Variants in GNPDA1 observed in about 807,000 individuals in gnomAD.
GNPDA1 encodes the protein glucosamine-6-phosphate deaminase 1.
Under a neutral mutation model 28.5 loss-of-function variants are expected in GNPDA1, and 24 were observed. That is an observed-to-expected ratio of 0.84 (90% CI 0.61 to 1.19). The LOEUF is 1.19. GNPDA1 is among the 50% of genes most tolerant of loss of function. The pLI is 0.00. For synonymous variants in GNPDA1, 147 were observed against 139.3 expected (o/e 1.06, Z -0.39); for missense variants, 264 against 367.3 (o/e 0.72, Z 2.30).
At chr5:142,004,600 C>T (rs183806044) in intron 5 of GNPDA1, among the ~76,000 whole-genome samples, 2 of 152,358 alleles carry the variant, frequency 1.3e-5, no homozygotes, top group African/African-American at 4.8e-5. Context: ...TCTCTCCATA[C>T]CTGGTCAGGT....
In GNPDA1 at chr5:142,001,648, C is replaced by A. The variant is rs576929129; in HGVS notation, c.*381G>T. ...TCAAGACTCTTCAAAGAGGTGGTAT[C>A]CAATATACATAAGCCCCTAATTCCC... On this transcript the variant is annotated 3_prime_UTR_variant, in exon 7 of 7. Coordinates refer to ENST00000311337, the MANE Select transcript of GNPDA1 (RefSeq NM_005471.5). The A allele has an allele frequency of 2.4e-4, 40 of 163,470 alleles. No individual in the cohort carries two copies. The East Asian group carries it at 6.9e-3, about 28-fold the overall frequency. The allele number at this position is 163,470 out of a possible 1,614,324, so 10.1% of individuals were successfully genotyped here.
In GNPDA1 at chr5:142,010,312, C is replaced by A. The variant is rs1353002935; in HGVS notation, c.124+1600G>T. 2.0e-5 allele frequency among the ~76,000 whole-genome samples: 3 copies of A among 152,180 alleles called. No individual in the cohort carries two copies. The South Asian group carries it at 6.2e-4, about 31-fold the overall frequency. On this transcript the variant is annotated intron_variant, in intron 2 of 6. Coordinates refer to ENST00000311337, the MANE Select transcript of GNPDA1 (RefSeq NM_005471.5). ...TAGCTGGGATTATAGGTGCCCGCCA[C>A]CATGCCCAGCTAATTTTTATATTTT...
chr5:142,006,337 G>A lies in GNPDA1; in HGVS notation c.227-11C>T, dbSNP rs753489781. Reference sequence around the variant, plus strand: ...GGTCTCGAGGAAGGCCTGTGGGGCCGTGAGACACTCGGTTATGCCTAGGCC... The same window carrying A: ...GGTCTCGAGGAAGGCCTGTGGGGCCATGAGACACTCGGTTATGCCTAGGCC... On this transcript the variant is annotated splice_polypyrimidine_tract_variant and intron_variant, in intron 3 of 6. Transcript: ENST00000311337. The A allele has an allele frequency of 6.9e-6, 11 of 1,605,614 alleles. No homozygotes were observed. The highest frequency in any genetic ancestry group is 1.9e-4 in the Middle Eastern group (1 of 5,290).
At chr5:142,009,240 T>C (rs1432796515) in intron 2 of GNPDA1, among the ~76,000 whole-genome samples, 1 of 151,992 alleles carries the variant, frequency 6.6e-6, no homozygotes, top group Non-Finnish European at 1.5e-5. Context: ...GATTACGTCA[T>C]GTCACCCCTC....
chr5:142,011,759 C>T, intron 2 of GNPDA1, 153 bp downstream of exon 2: 1 of 741,182 alleles, frequency 1.3e-6, no homozygotes, highest in Admixed American at 2.3e-5. Context: ...AAGCTGGGTC[C>T]TTTGTATGTG....
chr5:142,002,556 C>G (rs1755701203), intron 6 of GNPDA1, among the ~76,000 whole-genome samples: 2 of 152,108 alleles, frequency 1.3e-5, no homozygotes, highest in Admixed American at 6.5e-5. Context: ...AGTTTGAGAC[C>G]AGCCTAGGCA....
chr5:142,012,107 T>C, intron 1 of GNPDA1, 66 bp from the exon 2 acceptor site: 1 of 1,487,292 alleles, frequency 6.7e-7, no homozygotes, highest in Non-Finnish European at 9.2e-7. Context: ...GAGATGGAGG[T>C]GGTGGGAGAA....
Position 142,006,223 on chromosome 5 carries a change from A to G in GNPDA1, c.330T>C (p.Asn110=). The change falls in exon 4 of 7, where the codon AAT becomes AAC. Residue 110 remains asparagine (N), a synonymous_variant. Transcript: ENST00000311337. The part of the protein sequence containing the change: ...HPENTHILDG[N]AVDLQAECDA... ...CACATTCTGCCTGTAGGTCGACTGC[A>G]TTCCCATCCAGAATGTGGGTGTTTT... 1 of 1,614,124 alleles carries G rather than the reference A, an allele frequency of 6.2e-7. No individual in the cohort carries two copies. The highest frequency in any genetic ancestry group is 8.5e-7 in the Non-Finnish European group (1 of 1,179,938).
In GNPDA1 at chr5:142,012,008, A is replaced by C. The variant is rs367695996; in HGVS notation, c.28T>G (p.Ser10Ala). The C allele has an allele frequency of 5.5e-5, 88 of 1,609,962 alleles. No homozygotes were observed. The highest frequency in any genetic ancestry group is 7.5e-5 in the Non-Finnish European group (88 of 1,176,694). The change falls in exon 2 of 7, where the codon TCT becomes GCT. Residue 10 changes from serine (S) to alanine (A), a missense_variant. Ser to Ala is a moderately conservative substitution (Grantham distance 99). Coordinates refer to ENST00000311337, the MANE Select transcript of GNPDA1 (RefSeq NM_005471.5). The part of the protein sequence containing the change: MKLIILEHY[S>A]QASEWAAKYI... ...TTAGCCGCCCACTCGCTCGCCTGAG[A>C]ATAGTGCTCCAGGATGATGAGCTTC...
intron 2 of GNPDA1, among the ~76,000 whole-genome samples, chr5:142,009,546 T>C (rs1755893174): frequency 6.6e-6 from 1 of 152,220 alleles, no homozygotes; most frequent in Non-Finnish European, 1.5e-5. Context: ...CCTTAGAGGC[T>C]AGAACAGCTT....
At chr5:142,008,043 T>C in intron 2 of GNPDA1, 143 bp from the exon 3 acceptor site, 1 of 627,948 alleles carries the variant, frequency 1.6e-6, no homozygotes, top group Non-Finnish European at 2.9e-6. Context: ...CTAACTGCCA[T>C]CCATCCATTA....
chr5:142,005,058 C>G lies in GNPDA1; in HGVS notation c.468G>C (p.Arg156Ser), dbSNP rs765132687. The G allele has an allele frequency of 6.2e-7, 1 of 1,613,382 alleles. No individual in the cohort carries two copies. Among genetic ancestry groups the G allele is most frequent in the South Asian group, 1.1e-5 (1 of 91,020 alleles). ...CCATGGCCAGCGTCTTCACACGGGT[C>G]CTGGACACCAGACTGGAGCCTGGCT... is the stretch of plus-strand genomic sequence containing the variant. ...FNEPGSSLVS[R>S]TRVKTLAMDT... is the part of the protein sequence containing the mutation. The change falls in exon 5 of 7, where the codon AGG (arginine) becomes AGC (serine). Residue 156 changes from arginine (R) to serine (S), a missense_variant. Arg to Ser is a moderately radical substitution (Grantham distance 110). Coordinates refer to ENST00000311337, the MANE Select transcript of GNPDA1 (RefSeq NM_005471.5).
At chr5:142,010,457 C>T (rs1755916970) in intron 2 of GNPDA1, among the ~76,000 whole-genome samples, 1 of 152,040 alleles carries the variant, frequency 6.6e-6, no homozygotes, top group Non-Finnish European at 1.5e-5. Flanking sequence ...CCACACCCGG[C>T]CCTGTGGCCT....
Position 142,006,307 on chromosome 5 carries a change from C to T in GNPDA1, c.246G>A (p.Pro82=), listed in dbSNP as rs753375816. The change falls in exon 4 of 7, where the codon CCG becomes CCA. Residue 82 remains proline (P), a synonymous_variant. Transcript: ENST00000311337. ...DEYVGLPRDH[P]ESYHSFMWNN... ...TCCACATGAAGGAGTGGTAACTCTC[C>T]GGGTGGTCTCGAGGAAGGCCTGTGG... 33 of 1,613,174 alleles carry T rather than the reference C, an allele frequency of 2.0e-5. No homozygotes were observed. Among genetic ancestry groups the T allele is most frequent in the South Asian group, 4.4e-5 (4 of 91,004 alleles).
chr5:142,011,260 A>G (rs914372517), intron 2 of GNPDA1, among the ~76,000 whole-genome samples: 12 of 136,282 alleles, frequency 8.8e-5, no homozygotes, highest in African/African-American at 3.2e-4. Flanking sequence ...AAGGAAAAAG[A>G]ACAAGTTTGA....
intron 2 of GNPDA1, among the ~76,000 whole-genome samples, chr5:142,010,956 TTTTC>T (rs1755937306): frequency 6.6e-6 from 1 of 152,118 alleles, no homozygotes; most frequent in South Asian, 2.1e-4. Flanking sequence ...ATATATTGTC[TTTTC>T]TTTTTTTGAG....
intron 4 of GNPDA1, 178 bp from the exon 5 acceptor site, chr5:142,005,294 C>T (rs562774648): frequency 1.0e-4 from 51 of 501,360 alleles, no homozygotes; most frequent in South Asian, 9.9e-4. Flanking sequence ...CCCTCCCTAC[C>T]ATTTCTTTCT....
intron 2 of GNPDA1, among the ~76,000 whole-genome samples, chr5:142,009,474 C>T (rs1755891149): frequency 6.6e-6 from 1 of 152,146 alleles, no homozygotes; most frequent in Non-Finnish European, 1.5e-5. Flanking sequence ...TATTATGTCT[C>T]TCCCATTATA....
At chr5:142,008,407 G>A (rs534573242) in intron 2 of GNPDA1, among the ~76,000 whole-genome samples, 163 of 152,294 alleles carry the variant, frequency 1.1e-3, no homozygotes, top group African/African-American at 3.6e-3. Context: ...GAGGAGCAGC[G>A]AAGCCCTAGT....
Sources: allele counts gnomAD v4.1 joint callset (sites outside exome capture counted in the v4.1 genomes callset), GRCh38; gene constraint gnomAD v4.1.1; transcripts MANE v1.5; gene names NCBI Gene and HGNC (gene_info 2026-07-23, HGNC 2026-07-21).